SUSD1: variants seen among roughly 807,000 people sequenced by gnomAD.
The protein encoded by SUSD1 is sushi domain containing 1, also known as sushi domain-containing protein 1.
In SUSD1, 65 loss-of-function variants were observed where a neutral mutation model predicts 86.9. The observed-to-expected ratio is 0.75, with a 90% CI of 0.61 to 0.92. The LOEUF is 0.92. SUSD1 is among the 40% of genes least tolerant of loss of function. SUSD1 has a pLI of 0.00. For synonymous variants in SUSD1, 346 were observed against 350.0 expected (o/e 0.99, Z 0.13); for missense variants, 850 against 929.7 (o/e 0.91, Z 1.11).
intron 5 of SUSD1, among the ~76,000 whole-genome samples, chr9:112,124,939 C>A (rs1304169241): frequency 1.3e-5 from 2 of 152,040 alleles, no homozygotes; most frequent in Non-Finnish European, 2.9e-5. Context: ...CCCGGAATTA[C>A]AAAATTGATA....
intron 12 of SUSD1, among the ~76,000 whole-genome samples, chr9:112,069,043 C>T (rs1356291959): frequency 6.6e-6 from 1 of 152,136 alleles, no homozygotes; most frequent in Admixed American, 6.5e-5. Context: ...GGTCTGGAGC[C>T]TAGGAGCAAA....
rs1178374839 is a variant in SUSD1 at position 112,175,121 on chromosome 9, G to C, written c.103+12C>G. The C allele has an allele frequency of 9.7e-7, 1 of 1,033,696 alleles. No homozygotes were observed. Among genetic ancestry groups the C allele is most frequent in the East Asian group, 8.8e-5 (1 of 11,322 alleles). 64.0% of individuals were successfully genotyped at this position (1,033,696 alleles called of 1,614,324 possible). On this transcript the variant is annotated intron_variant, in intron 1 of 16. Transcript: ENST00000374270. The surrounding 1 kb of genome is among the most constrained non-coding windows in gnomAD (Gnocchi z 4.7). ...CCGCCGGCCGCCCGTGCCCGTCCCA[G>C]CCCGCACTCACCGTCGGGGCCCGGC... is the stretch of plus-strand genomic sequence containing the variant.
intron 3 of SUSD1, among the ~76,000 whole-genome samples, chr9:112,145,271 T>C (rs866267119): frequency 4.6e-4 from 64 of 139,770 alleles, no homozygotes; most frequent in African/African-American, 1.4e-3. Context: ...AGTAATACCA[T>C]AATTTCCTTT....
chr9:112,132,618 A>G (rs1832079782), intron 5 of SUSD1, among the ~76,000 whole-genome samples: 1 of 152,228 alleles, frequency 6.6e-6, no homozygotes. Context: ...CTTACGTTCC[A>G]AATCAGATAA....
At chr9:112,053,695 A>C (rs1828325758) in intron 14 of SUSD1, among the ~76,000 whole-genome samples, 1 of 152,244 alleles carries the variant, frequency 6.6e-6, no homozygotes, top group Admixed American at 6.5e-5. Flanking sequence ...TCAAATAGCA[A>C]GGCCATTTGG....
intron 15 of SUSD1, among the ~76,000 whole-genome samples, chr9:112,050,925 G>A (rs1589575496): frequency 6.6e-6 from 1 of 152,184 alleles, no homozygotes; most frequent in African/African-American, 2.4e-5. Flanking sequence ...GCTATACAGC[G>A]CTCAGCAGAA....
At chr9:112,156,181 T>G (rs1833304125) in intron 2 of SUSD1, among the ~76,000 whole-genome samples, 1 of 149,708 alleles carries the variant, frequency 6.7e-6, no homozygotes, top group African/African-American at 2.5e-5. Flanking sequence ...AAAAACTCAC[T>G]GGCCGGGCGC....
In SUSD1 at chr9:112,102,217, TC is replaced by T; in HGVS notation, c.1239del (p.Asn414ThrfsTer43). The T allele has an allele frequency of 6.2e-7, 1 of 1,603,608 alleles. No individual in the cohort carries two copies. On this transcript the variant is annotated frameshift_variant, in exon 9 of 17. Coordinates refer to ENST00000374270, the MANE Select transcript of SUSD1 (RefSeq NM_022486.5). LOFTEE classifies it high-confidence loss of function. Reference protein sequence around the residue: ...ISIFNETCLKLNRRSRKVGSE... With the variant: ...ISIFNETCLKXNRRSRKVGSE... ...GATCCAACTTTCCTAGAACGCCTGTTCAATTTCAAACAAGTTTCATTAAATA... is the reference window on the plus strand; with the variant it reads ...GATCCAACTTTCCTAGAACGCCTGTTAATTTCAAACAAGTTTCATTAAATA...
intron 5 of SUSD1, among the ~76,000 whole-genome samples, chr9:112,140,669 T>C (rs183628086): frequency 1.3e-5 from 2 of 152,294 alleles, no homozygotes; most frequent in East Asian, 1.9e-4. Context: ...GAAACTAGAA[T>C]TCCTGGGTTC....
intron 15 of SUSD1, among the ~76,000 whole-genome samples, chr9:112,045,501 T>A (rs1827917171): frequency 6.8e-6 from 1 of 147,950 alleles, no homozygotes; most frequent in East Asian, 2.0e-4. Flanking sequence ...CACAAGGACA[T>A]TATTGTTATT....
At chr9:112,150,535 A>G (rs936693604) in intron 2 of SUSD1, among the ~76,000 whole-genome samples, 10 of 152,142 alleles carry the variant, frequency 6.6e-5, no homozygotes, top group Admixed American at 3.3e-4. Flanking sequence ...TTACAGTCAT[A>G]TGTCACTTAA....
intron 5 of SUSD1, 22 bp downstream of exon 5, chr9:112,142,298 C>G (rs1232841472): frequency 6.5e-6 from 10 of 1,528,266 alleles, no homozygotes; most frequent in Non-Finnish European, 7.9e-6. Flanking sequence ...GAATTGGGAA[C>G]CTGTATTTTT....
intron 2 of SUSD1, among the ~76,000 whole-genome samples, chr9:112,156,870 T>C (rs1833351784): frequency 1.3e-5 from 2 of 152,224 alleles, no homozygotes. Context: ...TTTACTATTG[T>C]AAAATTGTTG....
At chr9:112,165,646 G>A (rs1003760412) in intron 1 of SUSD1, among the ~76,000 whole-genome samples, 1 of 151,632 alleles carries the variant, frequency 6.6e-6, no homozygotes, top group African/African-American at 2.4e-5. Flanking sequence ...CTGACCTCAA[G>A]CAATCCACCC....
At chr9:112,133,037 G>T (rs1471649115) in intron 5 of SUSD1, among the ~76,000 whole-genome samples, 2 of 152,200 alleles carry the variant, frequency 1.3e-5, no homozygotes, top group Admixed American at 1.3e-4. Flanking sequence ...TAGTACTTTG[G>T]AAGGCCAAGG....
chr9:112,109,091 A>G (rs1830979793), intron 8 of SUSD1, among the ~76,000 whole-genome samples: 1 of 152,160 alleles, frequency 6.6e-6, no homozygotes. Context: ...TAGTATATCA[A>G]CCAAATATAC....
chr9:112,088,704 A>T (rs1830082556), intron 10 of SUSD1, among the ~76,000 whole-genome samples: 1 of 152,240 alleles, frequency 6.6e-6, no homozygotes, highest in Non-Finnish European at 1.5e-5. Context: ...AGGTCGGAGG[A>T]TCACTTGAGC....
At chr9:112,141,846 T>C (rs907466193) in intron 5 of SUSD1, among the ~76,000 whole-genome samples, 2 of 141,522 alleles carry the variant, frequency 1.4e-5, no homozygotes, top group Non-Finnish European at 3.0e-5. Flanking sequence ...ATGACGTTTT[T>C]ATATATATAT....
chr9:112,074,838 A>G (rs1292826275), intron 12 of SUSD1, among the ~76,000 whole-genome samples: 1 of 148,318 alleles, frequency 6.7e-6, no homozygotes, highest in Non-Finnish European at 1.5e-5. Context: ...AAGCAACTTG[A>G]TTTTTTTATG....
Sources: allele counts gnomAD v4.1 joint callset (sites outside exome capture counted in the v4.1 genomes callset), GRCh38; gene constraint gnomAD v4.1.1; non-coding constraint Gnocchi (gnomAD v3.1); transcripts MANE v1.5; gene names NCBI Gene and HGNC (gene_info 2026-07-23, HGNC 2026-07-21).